ADAM23: variants seen among roughly 807,000 people sequenced by gnomAD.
ADAM23 encodes the protein ADAM metallopeptidase domain 23.
ADAM23 carries 33 observed loss-of-function variants against 120.1 expected under a neutral mutation model. That is an observed-to-expected ratio of 0.27 (90% CI 0.21 to 0.37). ADAM23 has a LOEUF of 0.37. Among genes scored for constraint, ADAM23 ranks in the 10% least tolerant of loss-of-function variants. The pLI is 1.00. For synonymous variants in ADAM23, 367 were observed against 375.2 expected (o/e 0.98, Z 0.25); for missense variants, 862 against 1,058.2 (o/e 0.81, Z 2.57).
intron 3 of ADAM23, among the ~76,000 whole-genome samples, chr2:206,509,159 T>C (rs371399604): frequency 6.6e-6 from 1 of 152,228 alleles, no homozygotes; most frequent in South Asian, 2.1e-4. Flanking sequence ...GCAGTTTTTT[T>C]GTAAAGAGAT....
chr2:206,588,055 ACT>A (rs776556026), intron 19 of ADAM23, 34 bp from the exon 20 acceptor site: 5 of 1,610,808 alleles, frequency 3.1e-6, no homozygotes, highest in African/African-American at 1.3e-5. Flanking sequence ...AGACAAACTG[ACT>A]CTGTGTGCCT....
intron 25 of ADAM23, among the ~76,000 whole-genome samples, chr2:206,614,626 T>G (rs1698899789): frequency 1.3e-5 from 2 of 151,814 alleles, no homozygotes; most frequent in Non-Finnish European, 2.9e-5. Context: ...CACTCCAGCC[T>G]GGGCAACAAG....
rs184654424 is a variant in ADAM23 at position 206,500,965 on chromosome 2, C to G, written c.509+19657C>G. Among the ~76,000 whole-genome samples the G allele has an allele frequency of 1.9e-4, 29 of 150,706 alleles. No homozygotes were observed. In the East Asian group the frequency reaches 5.6e-3, roughly 29 times the overall value. On this transcript the variant is annotated intron_variant, in intron 3 of 25. Coordinates refer to ENST00000264377, the MANE Select transcript of ADAM23 (RefSeq NM_003812.4). Reference sequence around the variant, plus strand: ...GTTTTCCTGTTTAAAGTCAATATATCAAAGAAGGCTAAGAGGTGAGCCACT... The same window carrying G: ...GTTTTCCTGTTTAAAGTCAATATATGAAAGAAGGCTAAGAGGTGAGCCACT...
intron 2 of ADAM23, among the ~76,000 whole-genome samples, chr2:206,457,984 T>C (rs1465208843): frequency 6.6e-6 from 1 of 152,240 alleles, no homozygotes; most frequent in African/African-American, 2.4e-5. Flanking sequence ...TACACTGACA[T>C]CATATTTTGG....
At chr2:206,611,957 C>A (rs1000538038) in intron 25 of ADAM23, among the ~76,000 whole-genome samples, 2 of 152,254 alleles carry the variant, frequency 1.3e-5, no homozygotes, top group Middle Eastern at 3.4e-3. Flanking sequence ...GGGACCTGTA[C>A]TGCTGAGCTG....
chr2:206,464,463 T>C (rs1329989062), intron 2 of ADAM23, among the ~76,000 whole-genome samples: 1 of 151,838 alleles, frequency 6.6e-6, no homozygotes, highest in Non-Finnish European at 1.5e-5. Flanking sequence ...TAGTCTCAGC[T>C]ACTTGGGAGG....
intron 24 of ADAM23, among the ~76,000 whole-genome samples, chr2:206,608,207 G>A (rs1698764774): frequency 2.0e-5 from 3 of 152,164 alleles, no homozygotes; most frequent in African/African-American, 7.2e-5. Flanking sequence ...TGCTGTCTTA[G>A]CATGAAAGCA....
intron 6 of ADAM23, 104 bp downstream of exon 6, chr2:206,543,420 A>T: frequency 2.1e-6 from 2 of 950,550 alleles, no homozygotes; most frequent in East Asian, 2.4e-5. Context: ...GCCTTTGTAC[A>T]TGTTAACTTA....
intron 3 of ADAM23, among the ~76,000 whole-genome samples, chr2:206,507,014 G>A (rs957081652): frequency 6.6e-6 from 1 of 152,076 alleles, no homozygotes; most frequent in Non-Finnish European, 1.5e-5. Flanking sequence ...ATGTTGGATT[G>A]GATTGTACCT....
chr2:206,545,102 G>T (rs556161148), intron 6 of ADAM23, among the ~76,000 whole-genome samples: 28 of 152,244 alleles, frequency 1.8e-4, no homozygotes, highest in Non-Finnish European at 4.0e-4. Flanking sequence ...AACTGTAGCG[G>T]GAAAATAATA....
intron 6 of ADAM23, among the ~76,000 whole-genome samples, chr2:206,544,781 T>G (rs943308893): frequency 6.6e-6 from 1 of 151,814 alleles, no homozygotes; most frequent in Non-Finnish European, 1.5e-5. Flanking sequence ...CCCAGCTAAT[T>G]TTTTGTATTT....
At chr2:206,497,844 T>A (rs1035174063) in intron 3 of ADAM23, among the ~76,000 whole-genome samples, 7 of 152,102 alleles carry the variant, frequency 4.6e-5, no homozygotes, top group Admixed American at 2.0e-4. Context: ...TCACAAGCAT[T>A]CTTATACACC....
In ADAM23 at chr2:206,599,831, C is replaced by A. The variant is rs554284808; in HGVS notation, c.2359+3669C>A. Reference sequence around the variant, plus strand: ...TTGCCGACGAGTAATAGGTAATGGACTCAAGTTATTAAAACAATCAGTGTT... The same window carrying A: ...TTGCCGACGAGTAATAGGTAATGGAATCAAGTTATTAAAACAATCAGTGTT... On this transcript the variant is annotated intron_variant, in intron 24 of 25. Transcript: ENST00000264377. Among the ~76,000 whole-genome samples, 4 of 152,326 alleles carry A rather than the reference C, an allele frequency of 2.6e-5. No homozygotes were observed. The South Asian group carries it at 8.3e-4, about 32-fold the overall frequency.
intron 3 of ADAM23, among the ~76,000 whole-genome samples, chr2:206,523,296 C>A (rs1290112787): frequency 1.8e-5 from 1 of 56,798 alleles, no homozygotes; most frequent in Non-Finnish European, 3.2e-5. Flanking sequence ...CATTAAATTT[C>A]TCTTGTTACC....
chr2:206,592,689 G>T lies in ADAM23; in HGVS notation c.2031G>T (p.Glu677Asp), dbSNP rs1267301446. The T allele has an allele frequency of 1.2e-6, 2 of 1,613,952 alleles. No homozygotes were observed. The highest frequency in any genetic ancestry group is 3.3e-5 in the Admixed American group (2 of 59,998). The change falls in exon 22 of 26, where the codon GAG (glutamate) becomes GAT (aspartate). Residue 677 changes from glutamate (E) to aspartate (D), a missense_variant. Coordinates refer to ENST00000264377, the MANE Select transcript of ADAM23 (RefSeq NM_003812.4). ...RAPRIGQLQG[E>D]IIPTSFYHQG... Reference sequence around the variant, plus strand: ...CACGTATTGGTCAACTTCAGGGTGAGATCATTCCAACTTCCTTCTACCATC... The same window carrying T: ...CACGTATTGGTCAACTTCAGGGTGATATCATTCCAACTTCCTTCTACCATC...
chr2:206,464,701 C>G (rs953699987), intron 2 of ADAM23, among the ~76,000 whole-genome samples: 1 of 152,028 alleles, frequency 6.6e-6, no homozygotes, highest in Admixed American at 6.6e-5. Context: ...CAGTTTGCTC[C>G]CCGCTGCCAA....
At chr2:206,458,465 C>T (rs1695347074) in intron 2 of ADAM23, among the ~76,000 whole-genome samples, 1 of 152,194 alleles carries the variant, frequency 6.6e-6, no homozygotes, top group African/African-American at 2.4e-5. Context: ...CGTAAGTGAA[C>T]ACCTAAGAAG....
At chr2:206,521,115 C>G (rs1216035506) in intron 3 of ADAM23, among the ~76,000 whole-genome samples, 1 of 152,136 alleles carries the variant, frequency 6.6e-6, no homozygotes, top group Non-Finnish European at 1.5e-5. Context: ...AATTAATTTT[C>G]TCCTTGAGGG....
chr2:206,580,839 G>C (rs534819339), intron 18 of ADAM23, among the ~76,000 whole-genome samples: 120 of 152,144 alleles, frequency 7.9e-4, no homozygotes, highest in African/African-American at 2.7e-3. Flanking sequence ...AAATCCATCT[G>C]GTCCTAGACC....
Sources: allele counts gnomAD v4.1 joint callset (sites outside exome capture counted in the v4.1 genomes callset), GRCh38; gene constraint gnomAD v4.1.1; transcripts MANE v1.5; gene names NCBI Gene and HGNC (gene_info 2026-07-23, HGNC 2026-07-21).